The following ADGRG7 variants were observed in gnomAD, a reference collection of about 807,000 sequenced individuals.
ADGRG7 encodes the protein adhesion G protein-coupled receptor G7.
In ADGRG7, 82 loss-of-function variants were observed where a neutral mutation model predicts 88.6. That is an observed-to-expected ratio of 0.93 (90% CI 0.77 to 1.11). The LOEUF is 1.11. Among genes scored for constraint, ADGRG7 ranks in the 50% most tolerant of loss-of-function variants. ADGRG7 has a pLI of 0.00. For synonymous variants in ADGRG7, 381 were observed against 345.2 expected (o/e 1.10, Z -1.15); for missense variants, 945 against 953.4 (o/e 0.99, Z 0.12).
intron 15 of ADGRG7, among the ~76,000 whole-genome samples, chr3:100,689,457 T>G (rs1576341883): frequency 6.6e-6 from 1 of 152,232 alleles, no homozygotes; most frequent in African/African-American, 2.4e-5. Context: ...TTGATGCAGT[T>G]TCTTCCTAGC....
chr3:100,689,465 A>G (rs1470095212), intron 15 of ADGRG7, among the ~76,000 whole-genome samples: 1 of 152,170 alleles, frequency 6.6e-6, no homozygotes, highest in African/African-American at 2.4e-5. Context: ...GTTTCTTCCT[A>G]GCCTCGATGG....
Position 100,635,721 on chromosome 3 carries a change from C to T in ADGRG7, c.492C>T (p.Val164=), listed in dbSNP as rs768359629. 1 of 1,613,852 alleles carries T rather than the reference C, an allele frequency of 6.2e-7. No homozygotes were observed. Among genetic ancestry groups the T allele is most frequent in the Non-Finnish European group, 8.5e-7 (1 of 1,179,840 alleles). ...CACTTAATAACATTTCTTCTGAAGT[C>T]CAGATTTTAACATCTGATGCCAATA... is the stretch of plus-strand genomic sequence containing the variant. ...TAPLNNISSE[V]QILTSDANKL... The change falls in exon 5 of 16, where the codon GTC becomes GTT. Residue 164 remains valine (V), a synonymous_variant. Transcript: ENST00000273352.
rs181310306 is a variant in ADGRG7 at position 100,688,910 on chromosome 3, G to A, written c.2137-5834G>A. On this transcript the variant is annotated intron_variant, in intron 15 of 15. Coordinates refer to ENST00000273352, the MANE Select transcript of ADGRG7 (RefSeq NM_032787.3). Reference sequence around the variant, plus strand: ...TATTAGGTCCACTTGGTGCAGAGCCGCGTTCAATTCCTGGATAGCCTTGTT... The same window carrying A: ...TATTAGGTCCACTTGGTGCAGAGCCACGTTCAATTCCTGGATAGCCTTGTT... 1.7e-4 allele frequency among the ~76,000 whole-genome samples: 26 copies of A among 152,298 alleles called. 1 individual carries two copies. The highest frequency in any genetic ancestry group is 1.7e-4 in the African/African-American group (7 of 41,558).
Position 100,650,345 on chromosome 3 carries a change from T to C in ADGRG7, c.1379+538T>C, listed in dbSNP as rs947002896. On this transcript the variant is annotated intron_variant, in intron 11 of 15. Coordinates refer to ENST00000273352, the MANE Select transcript of ADGRG7 (RefSeq NM_032787.3). ...ATTTGAGGTCCAATTTTGTATCCCA[T>C]TCATTATTTTTTGTCACATGCTACA... Among the ~76,000 whole-genome samples the C allele has an allele frequency of 4.6e-5, 7 of 152,308 alleles. No individual in the cohort carries two copies. The East Asian group carries it at 7.7e-4, about 17-fold the overall frequency.
At chr3:100,689,019 T>C (rs898650362) in intron 15 of ADGRG7, among the ~76,000 whole-genome samples, 3 of 152,234 alleles carry the variant, frequency 2.0e-5, no homozygotes, top group Non-Finnish European at 2.9e-5. Context: ...TCTAAGTCTC[T>C]TTGTAGGTCT....
chr3:100,663,964 CGT>C (rs571055220), intron 14 of ADGRG7, among the ~76,000 whole-genome samples: 2 of 151,918 alleles, frequency 1.3e-5, no homozygotes, highest in Non-Finnish European at 2.9e-5. Context: ...GATGTTTTAA[CGT>C]TATTATCTAT....
At chr3:100,683,601 C>G (rs1227555289) in intron 15 of ADGRG7, among the ~76,000 whole-genome samples, 1 of 152,310 alleles carries the variant, frequency 6.6e-6, no homozygotes, top group East Asian at 1.9e-4. Context: ...CACCCCTCAC[C>G]GCTCCACACC....
intron 15 of ADGRG7, among the ~76,000 whole-genome samples, chr3:100,693,893 G>A (rs1305052558): frequency 6.6e-6 from 1 of 152,100 alleles, no homozygotes; most frequent in Admixed American, 6.5e-5. Flanking sequence ...CATCTTAAAA[G>A]CTATGATACA....
At position 100,639,235 on chromosome 3, in the gene ADGRG7, G is replaced by A. The variant is rs573205900; in HGVS notation, c.698+1833G>A. 3.5e-4 allele frequency among the ~76,000 whole-genome samples: 53 copies of A among 152,172 alleles called. 1 individual carries two copies. The South Asian group carries it at 6.8e-3, about 20-fold the overall frequency. ...GAACCAGTTCTCTGCTCAGCAACTGGACATTTACATTGCTGGAAGTCTTTT... is the reference window on the plus strand; with the variant it reads ...GAACCAGTTCTCTGCTCAGCAACTGAACATTTACATTGCTGGAAGTCTTTT... On this transcript the variant is annotated intron_variant, in intron 6 of 15. Transcript: ENST00000273352.
At chr3:100,658,113 G>A (rs937114056) in intron 13 of ADGRG7, among the ~76,000 whole-genome samples, 22 of 151,976 alleles carry the variant, frequency 1.4e-4, no homozygotes, top group African/African-American at 4.6e-4. Context: ...TCATCTCATC[G>A]TCTTCCCCAG....
intron 6 of ADGRG7, among the ~76,000 whole-genome samples, chr3:100,642,637 T>C (rs1004349012): frequency 3.9e-5 from 6 of 152,224 alleles, no homozygotes; most frequent in African/African-American, 1.4e-4. Context: ...TGACTTTTCT[T>C]TGGAGAATGC....
At chr3:100,645,886 T>C in intron 8 of ADGRG7, 59 bp from the exon 9 acceptor site, 2 of 1,443,948 alleles carry the variant, frequency 1.4e-6, no homozygotes, top group South Asian at 2.5e-5. Context: ...ACGTGACATA[T>C]TGTTTTTTGT....
At chr3:100,674,084 G>A (rs2094961934) in intron 15 of ADGRG7, among the ~76,000 whole-genome samples, 1 of 152,118 alleles carries the variant, frequency 6.6e-6, no homozygotes, top group African/African-American at 2.4e-5. Context: ...GGTACATTGT[G>A]TCTTTGTTCT....
intron 15 of ADGRG7, among the ~76,000 whole-genome samples, chr3:100,683,991 A>G (rs2094977946): frequency 6.6e-6 from 1 of 152,162 alleles, no homozygotes; most frequent in East Asian, 1.9e-4. Flanking sequence ...CTGGAAATTT[A>G]TGGATATGGT....
chr3:100,621,183 C>G (rs1024716946), intron 1 of ADGRG7, among the ~76,000 whole-genome samples: 1 of 152,076 alleles, frequency 6.6e-6, no homozygotes, highest in Non-Finnish European at 1.5e-5. Context: ...GACACAACAT[C>G]GTTGAAATTA....
intron 15 of ADGRG7, among the ~76,000 whole-genome samples, chr3:100,685,600 C>G (rs1576339957): frequency 6.6e-6 from 1 of 152,116 alleles, no homozygotes; most frequent in Non-Finnish European, 1.5e-5. Context: ...GTTCAATTCC[C>G]ACCTATGAGT....
intron 4 of ADGRG7, among the ~76,000 whole-genome samples, chr3:100,634,559 G>T (rs1412620171): frequency 6.6e-6 from 1 of 152,164 alleles, no homozygotes; most frequent in East Asian, 1.9e-4. Flanking sequence ...TTATTTTAAA[G>T]TTCACATTGT....
intron 2 of ADGRG7, 83 bp from the exon 3 acceptor site, chr3:100,630,622 T>C (rs1707446991): frequency 1.8e-6 from 1 of 547,084 alleles, no homozygotes; most frequent in Non-Finnish European, 2.8e-6. Context: ...TTTCACTGCA[T>C]AGGTTCTGAC....
intron 3 of ADGRG7, among the ~76,000 whole-genome samples, chr3:100,631,986 G>A (rs1188719118): frequency 6.6e-6 from 1 of 151,970 alleles, no homozygotes; most frequent in Non-Finnish European, 1.5e-5. Context: ...CGTAAAAGGG[G>A]CTTCTACCAT....
Sources: allele counts gnomAD v4.1 joint callset (sites outside exome capture counted in the v4.1 genomes callset), GRCh38; gene constraint gnomAD v4.1.1; transcripts MANE v1.5; gene names NCBI Gene and HGNC (gene_info 2026-07-23, HGNC 2026-07-21).